CCDC81: variants seen among roughly 807,000 people sequenced by gnomAD.
The protein encoded by CCDC81 is coiled-coil domain-containing protein 81.
CCDC81 carries 79 observed loss-of-function variants against 83.7 expected under a neutral mutation model. That is an observed-to-expected ratio of 0.94 (90% CI 0.79 to 1.14). CCDC81 has a LOEUF of 1.14. Among genes scored for constraint, CCDC81 ranks in the 50% most tolerant of loss-of-function variants. The pLI is 0.00. For missense variants in CCDC81, 791 were observed against 778.1 expected (o/e 1.02, Z -0.20); for synonymous variants, 252 against 278.1 (o/e 0.91, Z 0.93).
At chr11:86,421,019 G>A (rs530320258) in intron 14 of CCDC81, among the ~76,000 whole-genome samples, 11 of 152,244 alleles carry the variant, frequency 7.2e-5, no homozygotes, top group Admixed American at 2.6e-4. Flanking sequence ...TGGTGATAAA[G>A]GACTGAGGAG....
At chr11:86,405,070 A>G (rs1948546238) in intron 7 of CCDC81, among the ~76,000 whole-genome samples, 1 of 152,228 alleles carries the variant, frequency 6.6e-6, no homozygotes, top group Admixed American at 6.5e-5. Context: ...CCTTGTTAAA[A>G]TAAGTTGTTA....
At chr11:86,395,987 T>C (rs1001584619) in intron 5 of CCDC81, among the ~76,000 whole-genome samples, 9 of 152,168 alleles carry the variant, frequency 5.9e-5, no homozygotes, top group Admixed American at 3.3e-4. Context: ...CCATTAACCT[T>C]AGTCCCTGCA....
At chr11:86,412,853 T>C (rs1481498559) in intron 11 of CCDC81, among the ~76,000 whole-genome samples, 1 of 152,090 alleles carries the variant, frequency 6.6e-6, no homozygotes, top group Non-Finnish European at 1.5e-5. Context: ...TAGGGGTGAA[T>C]GTTTACAGCT....
Position 86,403,188 on chromosome 11 carries a change from T to C in CCDC81, c.881+2387T>C, listed in dbSNP as rs557988440. On this transcript the variant is annotated intron_variant, in intron 7 of 14. Transcript: ENST00000445632. ...TTTTATCTTGTTTCTTGGCCATTTG[T>C]AGTTCTTTTACAGTTTTCCTGCTTG... 1.1e-4 allele frequency among the ~76,000 whole-genome samples: 16 copies of C among 152,080 alleles called. No homozygotes were observed. The South Asian group carries it at 3.3e-3, about 32-fold the overall frequency.
In CCDC81 at chr11:86,407,672, G is replaced by C. The variant is rs1948580665; in HGVS notation, c.940G>C (p.Ala314Pro). The change falls in exon 8 of 15, where the codon GCT becomes CCT. Residue 314 changes from alanine to proline, a missense_variant. Coordinates refer to ENST00000445632, the MANE Select transcript of CCDC81 (RefSeq NM_001156474.2). Reference protein sequence around the residue: ...DSEMKPQTSPACQDHNKAGQE... With the variant: ...DSEMKPQTSPPCQDHNKAGQE... The stretch of plus-strand genomic sequence containing the variant: ...TGAGATGAAGCCCCAAACATCTCCA[G>C]CTTGCCAGGATCATAACAAGGCAGG... 3 of 1,613,596 alleles carry C rather than the reference G, an allele frequency of 1.9e-6. No individual in the cohort carries two copies. The highest frequency in any genetic ancestry group is 2.2e-5 in the South Asian group (2 of 91,022).
At chr11:86,414,725 T>G in intron 11 of CCDC81, 64 bp from the exon 12 acceptor site, 1 of 948,704 alleles carries the variant, frequency 1.1e-6, no homozygotes, top group Non-Finnish European at 1.6e-6. Flanking sequence ...GTTTTGATGA[T>G]GTTAATCCAT....
At chr11:86,385,909 T>G (rs958626659) in intron 1 of CCDC81, 142 bp from the exon 2 acceptor site, 2 of 345,556 alleles carry the variant, frequency 5.8e-6, no homozygotes, top group Non-Finnish European at 1.1e-5. Flanking sequence ...ATGGCCTTGT[T>G]TTTTGTTAAT....
intron 9 of CCDC81, among the ~76,000 whole-genome samples, 169 bp downstream of exon 9, chr11:86,408,439 T>C (rs1237108449): frequency 1.3e-5 from 2 of 152,202 alleles, no homozygotes; most frequent in Non-Finnish European, 2.9e-5. Context: ...GCTCAGATGA[T>C]CCTTCGACCT....
Position 86,399,899 on chromosome 11 carries a change from G to T in CCDC81, c.758-779G>T, listed in dbSNP as rs1948460951. On this transcript the variant is annotated intron_variant, in intron 6 of 14. Coordinates refer to ENST00000445632, the MANE Select transcript of CCDC81 (RefSeq NM_001156474.2). ...GCACTTTGGGAGGCTGAGGTGGGTGGATCACCTGAGGTCAGGAGTTCGAAG... is the reference window on the plus strand; with the variant it reads ...GCACTTTGGGAGGCTGAGGTGGGTGTATCACCTGAGGTCAGGAGTTCGAAG... Among the ~76,000 whole-genome samples the T allele has an allele frequency of 2.0e-5, 3 of 151,792 alleles. No individual in the cohort carries two copies. In the South Asian group the frequency reaches 6.2e-4, roughly 32 times the overall value.
intron 3 of CCDC81, among the ~76,000 whole-genome samples, chr11:86,389,335 T>C (rs963369140): frequency 4.2e-4 from 64 of 152,272 alleles, no homozygotes; most frequent in African/African-American, 1.4e-3. Context: ...GGGGTTATGA[T>C]TCTTCATCAT....
chr11:86,403,399 A>G (rs1477850243), intron 7 of CCDC81, among the ~76,000 whole-genome samples: 2 of 152,142 alleles, frequency 1.3e-5, no homozygotes, highest in Non-Finnish European at 1.5e-5. Context: ...GAAGTTTAAA[A>G]TATATCTTTT....
At chr11:86,386,028 T>C in intron 1 of CCDC81, 23 bp from the exon 2 acceptor site, 1 of 1,381,330 alleles carries the variant, frequency 7.2e-7, no homozygotes. Flanking sequence ...ATTGAATAAT[T>C]TCTGGTTACT....
intron 13 of CCDC81, chr11:86,419,545 G>C (rs1438991834): frequency 6.4e-6 from 1 of 156,646 alleles, no homozygotes; most frequent in African/African-American, 2.4e-5. Context: ...TGCAGTGACT[G>C]GTAGGCTGAG....
At chr11:86,389,073 T>C (rs909225254) in intron 3 of CCDC81, among the ~76,000 whole-genome samples, 21 of 152,040 alleles carry the variant, frequency 1.4e-4, no homozygotes, top group Non-Finnish European at 5.9e-5. Flanking sequence ...GAGGATCACT[T>C]GAGGCCAGAA....
At chr11:86,420,415 A>T (rs1948774233) in intron 14 of CCDC81, among the ~76,000 whole-genome samples, 1 of 152,210 alleles carries the variant, frequency 6.6e-6, no homozygotes, top group Non-Finnish European at 1.5e-5. Flanking sequence ...GTTATTTAAG[A>T]GCAGGGTCAG....
chr11:86,420,553 C>T (rs2138547067), intron 14 of CCDC81, among the ~76,000 whole-genome samples: 1 of 152,138 alleles, frequency 6.6e-6, no homozygotes, highest in South Asian at 2.1e-4. Context: ...TGTTGTATTA[C>T]ATCTTGAAAA....
chr11:86,398,425 G>A (rs1948438987), intron 6 of CCDC81, among the ~76,000 whole-genome samples: 1 of 152,128 alleles, frequency 6.6e-6, no homozygotes, highest in African/African-American at 2.4e-5. Context: ...TCACTTTGAT[G>A]TCTGTAGAAG....
chr11:86,414,781 A>C lies in CCDC81; in HGVS notation c.1392-8A>C. 2.5e-6 allele frequency: 4 copies of C among 1,599,928 alleles called. No individual in the cohort carries two copies. Among genetic ancestry groups the C allele is most frequent in the Non-Finnish European group, 3.4e-6 (4 of 1,175,212 alleles). ...TGTGGTCCATCTTCTCTTGTTCTTA[A>C]CTGCCAGACTTGCTGCGCAAAGAGC... On this transcript the variant is annotated splice_region_variant and splice_polypyrimidine_tract_variant and intron_variant, in intron 11 of 14. Transcript: ENST00000445632.
At chr11:86,390,346 C>T (rs973819202) in intron 3 of CCDC81, among the ~76,000 whole-genome samples, 2 of 152,022 alleles carry the variant, frequency 1.3e-5, no homozygotes, top group South Asian at 2.1e-4. Context: ...AAGGAAGTAA[C>T]GGGTACTTCC....
Sources: gnomAD v4.1 joint callset for allele counts (sites outside exome capture counted in the v4.1 genomes callset) on GRCh38, gnomAD v4.1.1 for gene constraint, MANE v1.5 for transcripts, NCBI Gene and HGNC (gene_info 2026-07-23, HGNC 2026-07-21) for gene names.